ELP4: variants seen among roughly 807,000 people sequenced by gnomAD.
ELP4 encodes elongator acetyltransferase complex subunit 4, also known as elongator complex protein 4.
ELP4 carries 51 observed loss-of-function variants against 48.9 expected under a neutral mutation model. The observed-to-expected ratio is 1.04, with a 90% CI of 0.83 to 1.32. ELP4 has a LOEUF of 1.32. Ranked by LOEUF, ELP4 falls within the 40% of genes most tolerant of loss-of-function variation. The pLI, the probability that ELP4 is intolerant of heterozygous loss-of-function variation, is 0.00. For synonymous variants in ELP4, 210 were observed against 189.2 expected (o/e 1.11, Z -0.90); for missense variants, 519 against 514.6 (o/e 1.01, Z -0.08).
intron 9 of ELP4, among the ~76,000 whole-genome samples, chr11:31,677,287 T>C (rs1565107383): frequency 6.6e-6 from 1 of 152,202 alleles, no homozygotes; most frequent in Non-Finnish European, 1.5e-5. Flanking sequence ...TTAGGAGCAA[T>C]GTAACGCACA....
At chr11:31,625,649 A>AT (rs1435868947) in intron 5 of ELP4, among the ~76,000 whole-genome samples, 1 of 151,780 alleles carries the variant, frequency 6.6e-6, no homozygotes, top group Non-Finnish European at 1.5e-5. Flanking sequence ...CATTGGCTAT[A>AT]TTTTTTATCC....
intron 9 of ELP4, among the ~76,000 whole-genome samples, chr11:31,759,792 C>T (rs1486746941): frequency 6.6e-6 from 1 of 151,842 alleles, no homozygotes; most frequent in Non-Finnish European, 1.5e-5. Context: ...CTGCAACCTC[C>T]GCCTCTTGGG....
chr11:31,623,390 T>TATATATATATATATATATAAAA (rs67986763), intron 5 of ELP4, among the ~76,000 whole-genome samples: 11 of 92,580 alleles, frequency 1.2e-4, no homozygotes, highest in African/African-American at 3.2e-4. Flanking sequence ...TATATATATA[T>TATATATATATATATATATAAAA]AAAACTAGAA....
intron 5 of ELP4, among the ~76,000 whole-genome samples, chr11:31,611,114 T>C (rs553100177): frequency 6.6e-6 from 1 of 152,324 alleles, no homozygotes; most frequent in African/African-American, 2.4e-5. Flanking sequence ...TGGTCCTTGC[T>C]CCTTGTTGGC....
At chr11:31,524,377 G>A (rs1485913874) in intron 2 of ELP4, among the ~76,000 whole-genome samples, 7 of 152,198 alleles carry the variant, frequency 4.6e-5, no homozygotes, top group Admixed American at 1.3e-4. Flanking sequence ...GGCAGCCAGA[G>A]GCTGCCCTCT....
intron 5 of ELP4, among the ~76,000 whole-genome samples, chr11:31,616,033 C>T (rs976863905): frequency 1.3e-5 from 2 of 151,624 alleles, no homozygotes; most frequent in African/African-American, 4.8e-5. Context: ...TAGTAGTATC[C>T]CCAGTTTGAA....
In ELP4 at chr11:31,603,879, A is replaced by G. The variant is rs201463745; in HGVS notation, c.625A>G (p.Ile209Val). 5.3e-5 allele frequency: 85 copies of G among 1,611,856 alleles called. No homozygotes were observed. In the East Asian group the frequency reaches 1.9e-3, roughly 36 times the overall value. Residue 209 changes from isoleucine to valine, a missense_variant, in exon 5 of 10, where the codon ATA becomes GTA. Ile to Val is a conservative substitution (Grantham distance 29). Transcript: ENST00000640961. The part of the protein sequence containing the change: ...NWHGFFLPEK[I>V]SSTLKVEPCS... ...GCATGGATTTTTTCTTCCAGAGAAA[A>G]TATCTTCAACTCTCAAAGTAGAACC...
At chr11:31,567,526 T>G (rs1387768710) in intron 3 of ELP4, among the ~76,000 whole-genome samples, 1 of 152,210 alleles carries the variant, frequency 6.6e-6, no homozygotes, top group Non-Finnish European at 1.5e-5. Context: ...AGTTATGATA[T>G]TCTCCCAGTT....
rs940925779 is a variant in ELP4, at chr11:31,788,289, A to G, written c.*4765A>G. On this transcript the variant is annotated 3_prime_UTR_variant, in exon 10 of 10. Transcript: ENST00000640961. ...GGCCTTTAATTCCCACCGGCCAGTC[A>G]CAGTCTGCTTTGTTGTTGTCTGTTG... is the stretch of plus-strand genomic sequence containing the variant. The G allele has an allele frequency of 8.8e-5, 20 of 225,992 alleles. No homozygotes were observed. The Admixed American group carries it at 1.0e-3, about 12-fold the overall frequency. 14.0% of individuals were successfully genotyped at this position (225,992 alleles called of 1,614,324 possible). A position where few individuals can be genotyped will look rare whatever the true frequency, so the allele number is the denominator to read the frequency against.
chr11:31,640,817 G>T (rs1432986454), intron 7 of ELP4, among the ~76,000 whole-genome samples: 2 of 151,930 alleles, frequency 1.3e-5, no homozygotes, highest in Non-Finnish European at 2.9e-5. Context: ...GCAAGTGCCA[G>T]TTCAGCATAG....
At chr11:31,596,601 A>G (rs1957674880) in intron 4 of ELP4, among the ~76,000 whole-genome samples, 1 of 152,204 alleles carries the variant, frequency 6.6e-6, no homozygotes, top group South Asian at 2.1e-4. Context: ...GCAAATACTA[A>G]GTATCATCTG....
intron 9 of ELP4, chr11:31,681,679 T>G (rs1946053453): frequency 6.5e-6 from 1 of 154,650 alleles, no homozygotes. Flanking sequence ...GAGGAAATGG[T>G]TACAGTGCAT....
chr11:31,688,617 T>C (rs1405235225), intron 9 of ELP4, among the ~76,000 whole-genome samples: 2 of 152,282 alleles, frequency 1.3e-5, no homozygotes, highest in Non-Finnish European at 2.9e-5. Context: ...TTGTATAATA[T>C]TCAAAATCTA....
chr11:31,632,830 T>C (rs1944891897), intron 7 of ELP4: 2 of 152,538 alleles, frequency 1.3e-5, no homozygotes, highest in Admixed American at 1.3e-4. Flanking sequence ...TACTAATGAA[T>C]CAATGTATTT....
At chr11:31,512,790 C>T (rs1320465636) in intron 1 of ELP4, among the ~76,000 whole-genome samples, 3 of 134,072 alleles carry the variant, frequency 2.2e-5, no homozygotes, top group East Asian at 2.6e-4. Context: ...CCCTGCCCTC[C>T]GCCCCCCCTC....
chr11:31,571,947 G>C (rs1354752561), intron 3 of ELP4, among the ~76,000 whole-genome samples: 1 of 152,124 alleles, frequency 6.6e-6, no homozygotes, highest in Non-Finnish European at 1.5e-5. Context: ...AATTCTTAAG[G>C]GCCCTAGGAT....
At chr11:31,651,381 G>A (rs1342108167) in intron 9 of ELP4, 1 of 151,738 alleles carries the variant, frequency 6.6e-6, no homozygotes, top group African/African-American at 2.4e-5. Context: ...CAGGCAGCCA[G>A]TTCTTCAAGC....
At chr11:31,563,901 G>C (rs1233179669) in intron 3 of ELP4, among the ~76,000 whole-genome samples, 1 of 152,138 alleles carries the variant, frequency 6.6e-6, no homozygotes, top group Non-Finnish European at 1.5e-5. Flanking sequence ...TCAAAGGCTG[G>C]GGATTTTTGA....
intron 9 of ELP4, among the ~76,000 whole-genome samples, chr11:31,701,888 C>A (rs1946530295): frequency 6.6e-6 from 1 of 151,864 alleles, no homozygotes; most frequent in African/African-American, 2.4e-5. Context: ...TGATAGTATA[C>A]CTTTATTTCT....
Sources: gnomAD v4.1 joint callset for allele counts (sites outside exome capture counted in the v4.1 genomes callset) on GRCh38, gnomAD v4.1.1 for gene constraint, MANE v1.5 for transcripts, NCBI Gene and HGNC (gene_info 2026-07-23, HGNC 2026-07-21) for gene names.